Variants in FRMD6 observed in about 807,000 individuals in gnomAD.
The protein encoded by FRMD6 is FERM domain containing 6, also known as FERM domain-containing protein 6.
FRMD6 carries 37 observed loss-of-function variants against 73.2 expected under a neutral mutation model. The observed-to-expected ratio is 0.51, with a 90% CI of 0.39 to 0.66. FRMD6 has a LOEUF of 0.66. FRMD6 is among the 30% of genes least tolerant of loss of function. The pLI, the probability that FRMD6 is intolerant of heterozygous loss-of-function variation, is 0.00. For synonymous variants in FRMD6, 273 were observed against 282.2 expected (o/e 0.97, Z 0.33); for missense variants, 714 against 780.5 (o/e 0.91, Z 1.02).
In FRMD6 at chr14:51,720,057, A is replaced by G. The variant is rs1897450045; in HGVS notation, c.1027A>G (p.Lys343Glu). The change falls in exon 11 of 14, where the codon AAG becomes GAG. Residue 343 changes from lysine to glutamate, a missense_variant and splice_region_variant. By Grantham distance (56) the Lys-to-Glu change is moderately conservative (BLOSUM62 1). Transcript: ENST00000344768. ...GAACTGTGTTCCCCACCACGTAGAG[A>G]AGAAGCAGTACCGGGAATCTTACAT... ...HIRKLEENEE[K>E]KQYRESYISD... 6.2e-7 allele frequency: 1 copy of G among 1,608,796 alleles called. No homozygotes were observed. The highest frequency in any genetic ancestry group is 1.7e-5 in the Admixed American group (1 of 59,748).
chr14:51,416,808 A>T, the FRMD6 span, among the ~76,000 whole-genome samples: 1 of 152,126 alleles, frequency 6.6e-6, no homozygotes, highest in Non-Finnish European at 1.5e-5. Context: ...GTAGGTCTCT[A>T]AGGACTTGCT....
At chr14:51,398,487 A>G in the FRMD6 span, among the ~76,000 whole-genome samples, 6 of 151,872 alleles carry the variant, frequency 4.0e-5, no homozygotes, top group Admixed American at 6.6e-5. Context: ...CTCATCATCT[A>G]TATAAGAAAA....
the FRMD6 span, among the ~76,000 whole-genome samples, chr14:51,464,651 T>G: frequency 6.6e-6 from 1 of 152,038 alleles, no homozygotes; most frequent in Non-Finnish European, 1.5e-5. Flanking sequence ...TTCTCCATAA[T>G]AGTGAAAGAT....
At chr14:51,662,544 G>C (rs1052223861) in intron 1 of FRMD6, among the ~76,000 whole-genome samples, 2 of 152,164 alleles carry the variant, frequency 1.3e-5, no homozygotes, top group African/African-American at 4.8e-5. Context: ...ACAAGCAATG[G>C]GGAAAGAATT....
the FRMD6 span, among the ~76,000 whole-genome samples, chr14:51,422,321 G>A: frequency 3.4e-3 from 513 of 151,962 alleles, 2 homozygotes; most frequent in Non-Finnish European, 4.5e-3. Flanking sequence ...TTATGTAATG[G>A]GCCAAGAATG....
At chr14:51,572,187 G>A (rs983636000) in intron 2 of FRMD6, among the ~76,000 whole-genome samples, 6 of 152,202 alleles carry the variant, frequency 3.9e-5, no homozygotes, top group Non-Finnish European at 2.9e-5. Flanking sequence ...CCTGCTATTA[G>A]CTCCTCTAAT....
At chr14:51,571,859 C>A (rs1199368268) in intron 2 of FRMD6, among the ~76,000 whole-genome samples, 1 of 152,170 alleles carries the variant, frequency 6.6e-6, no homozygotes, top group Non-Finnish European at 1.5e-5. Flanking sequence ...TATTAATAGA[C>A]TTATAAATTC....
chr14:51,585,939 G>GTGTGTGTGTGTGTGTGTGTGTGTA, intron 2 of FRMD6, among the ~76,000 whole-genome samples: 1 of 31,400 alleles, frequency 3.2e-5, no homozygotes, highest in Non-Finnish European at 9.6e-5. Flanking sequence ...GTGTGTGTGT[G>GTGTGTGTGTGTGTGTGTGTGTGTA]TATATATATA....
intron 2 of FRMD6, among the ~76,000 whole-genome samples, chr14:51,609,385 TAAAC>T (rs754664290): frequency 1.3e-5 from 2 of 152,164 alleles, no homozygotes; most frequent in African/African-American, 4.8e-5. Flanking sequence ...GAGCAGCACA[TAAAC>T]AAACAATGAC....
chr14:51,412,579 C>T, the FRMD6 span, among the ~76,000 whole-genome samples: 3 of 152,198 alleles, frequency 2.0e-5, no homozygotes, highest in South Asian at 4.2e-4. Context: ...AGGCCGGGCG[C>T]GGTGGCTCAC....
chr14:51,674,880 TACTC>T (rs1894277112), intron 1 of FRMD6, among the ~76,000 whole-genome samples: 1 of 152,122 alleles, frequency 6.6e-6, no homozygotes, highest in Admixed American at 6.6e-5. Flanking sequence ...GCTCTTCAGT[TACTC>T]ATTCCTGGAT....
At chr14:51,621,138 T>C (rs894452357) in intron 2 of FRMD6, among the ~76,000 whole-genome samples, 4 of 150,734 alleles carry the variant, frequency 2.7e-5, no homozygotes, top group African/African-American at 9.7e-5. Flanking sequence ...AAGCTGCCTT[T>C]TAAACTTCAA....
chr14:51,448,680 G>C, the FRMD6 span, among the ~76,000 whole-genome samples: 1 of 152,180 alleles, frequency 6.6e-6, no homozygotes, highest in Non-Finnish European at 1.5e-5. Context: ...GTAGTTCAAG[G>C]GCAGGTTAGG....
chr14:51,708,896 C>T (rs1896784416), intron 7 of FRMD6, among the ~76,000 whole-genome samples: 1 of 152,162 alleles, frequency 6.6e-6, no homozygotes, highest in Admixed American at 6.5e-5. Flanking sequence ...CCACACGTTC[C>T]TCACTCTCGG....
chr14:51,477,855 T>A, the FRMD6 span, among the ~76,000 whole-genome samples: 1 of 151,980 alleles, frequency 6.6e-6, no homozygotes, highest in East Asian at 1.9e-4. Flanking sequence ...TTCTTGTGCC[T>A]GAGCCTCCCA....
chr14:51,561,714 C>T (rs1009043476), intron 1 of FRMD6, among the ~76,000 whole-genome samples: 4 of 152,108 alleles, frequency 2.6e-5, no homozygotes, highest in African/African-American at 9.7e-5. Context: ...CAGAGATTTC[C>T]ATGTTAATGG....
intron 12 of FRMD6, among the ~76,000 whole-genome samples, chr14:51,723,884 T>G (rs1897786764): frequency 6.6e-6 from 1 of 151,884 alleles, no homozygotes; most frequent in African/African-American, 2.4e-5. Flanking sequence ...ATAAGAAGGA[T>G]AGTTAAGGTA....
chr14:51,518,857 A>G (rs1479632272), intron 1 of FRMD6, among the ~76,000 whole-genome samples: 1 of 152,210 alleles, frequency 6.6e-6, no homozygotes, highest in African/African-American at 2.4e-5. Flanking sequence ...TAGCTGTCTT[A>G]TTATAGCAAA....
the FRMD6 span, among the ~76,000 whole-genome samples, chr14:51,441,139 A>G: frequency 5.3e-5 from 8 of 152,108 alleles, no homozygotes; most frequent in Admixed American, 3.9e-4. Flanking sequence ...TATAAACCCA[A>G]CCTCCACTGG....
Sources: allele counts gnomAD v4.1 joint callset (sites outside exome capture counted in the v4.1 genomes callset), GRCh38; gene constraint gnomAD v4.1.1; transcripts MANE v1.5; gene names NCBI Gene and HGNC (gene_info 2026-07-23, HGNC 2026-07-21).